NECTIN2: variants seen among roughly 807,000 people sequenced by gnomAD.
NECTIN2 encodes the protein nectin cell adhesion molecule 2.
A neutral mutation model predicts 56.9 loss-of-function variants in NECTIN2; 23 were observed. The ratio of observed to expected loss-of-function variants is 0.40; its 90% CI spans 0.29 to 0.57. The LOEUF (loss-of-function observed/expected upper bound fraction) is 0.57. Among genes scored for constraint, NECTIN2 ranks in the 20% least tolerant of loss-of-function variants. The pLI is 0.38. For missense variants in NECTIN2, 587 were observed against 718.3 expected (o/e 0.82, Z 2.09); for synonymous variants, 302 against 313.8 (o/e 0.96, Z 0.40).
chr19:44,855,404 G>T (rs1195701098), intron 1 of NECTIN2, among the ~76,000 whole-genome samples: 1 of 151,858 alleles, frequency 6.6e-6, no homozygotes, highest in African/African-American at 2.4e-5. Flanking sequence ...CAGCCTGGGC[G>T]AAAGAGTGAG....
intron 1 of NECTIN2, among the ~76,000 whole-genome samples, chr19:44,852,885 G>A (rs949915928): frequency 1.3e-5 from 2 of 152,128 alleles, no homozygotes; most frequent in African/African-American, 4.8e-5. Context: ...CAAGAGGATC[G>A]CTTTAGTTCA....
chr19:44,859,452 A>G (rs538199041), intron 1 of NECTIN2, among the ~76,000 whole-genome samples: 226 of 152,306 alleles, frequency 1.5e-3, no homozygotes, highest in African/African-American at 4.7e-3. Context: ...CCCATGAACT[A>G]TGGGCCACTC....
At chr19:44,881,764 C>G (rs1400445065) in intron 5 of NECTIN2, among the ~76,000 whole-genome samples, 5 of 152,196 alleles carry the variant, frequency 3.3e-5, no homozygotes, top group Admixed American at 3.3e-4. Context: ...CAGACACTCT[C>G]ATGACTCATC....
At chr19:44,877,232 T>G (rs1003166425) in intron 5 of NECTIN2, among the ~76,000 whole-genome samples, 1 of 151,970 alleles carries the variant, frequency 6.6e-6, no homozygotes, top group Non-Finnish European at 1.5e-5. Context: ...GGTGTAGAGG[T>G]GGGGTCAGGT....
intron 1 of NECTIN2, among the ~76,000 whole-genome samples, chr19:44,854,007 G>A (rs1255204565): frequency 1.3e-5 from 2 of 152,114 alleles, no homozygotes; most frequent in East Asian, 3.9e-4. Context: ...CAAAAGGGCG[G>A]AAGAGCAGTC....
intron 7 of NECTIN2, 40 bp from the exon 8 acceptor site, chr19:44,886,093 G>A: frequency 6.3e-7 from 1 of 1,578,842 alleles, no homozygotes; most frequent in African/African-American, 1.3e-5. Flanking sequence ...GCTGGGTGGT[G>A]GGGGCAGTTC....
intron 8 of NECTIN2, among the ~76,000 whole-genome samples, chr19:44,886,957 A>G (rs1969367946): frequency 6.6e-6 from 1 of 151,670 alleles, no homozygotes; most frequent in Non-Finnish European, 1.5e-5. Context: ...GCTTAAGCCC[A>G]GGTGGTTGGG....
At chr19:44,888,076 T>G in intron 8 of NECTIN2, 34 bp from the exon 9 acceptor site, 1 of 1,596,266 alleles carries the variant, frequency 6.3e-7, no homozygotes, top group Non-Finnish European at 8.6e-7. Context: ...GCGTAGGAAG[T>G]GATCTTGAGT....
chr19:44,886,304 T>A, intron 8 of NECTIN2, 85 bp downstream of exon 8: 1 of 1,106,402 alleles, frequency 9.0e-7, no homozygotes, highest in Non-Finnish European at 1.3e-6. Flanking sequence ...GGTCAAAGAC[T>A]AAAGGTCATA....
intron 1 of NECTIN2, among the ~76,000 whole-genome samples, chr19:44,861,950 T>C (rs1220249193): frequency 6.6e-6 from 1 of 152,144 alleles, no homozygotes; most frequent in African/African-American, 2.4e-5. Context: ...TCCTCAAAGA[T>C]CTAGAACCAG....
chr19:44,884,795 G>A (rs1200901946), intron 6 of NECTIN2, among the ~76,000 whole-genome samples: 2 of 152,112 alleles, frequency 1.3e-5, no homozygotes, highest in African/African-American at 2.4e-5. Flanking sequence ...AGAATGCATC[G>A]TAAGCACCTG....
chr19:44,863,413 G>A (rs1969056761), intron 1 of NECTIN2, among the ~76,000 whole-genome samples: 1 of 152,148 alleles, frequency 6.6e-6, no homozygotes, highest in African/African-American at 2.4e-5. Flanking sequence ...GGGAGACAGA[G>A]TGAGACCCTG....
rs2122694784 is a variant in NECTIN2 at position 44,875,948 on chromosome 19, T to A, written c.1042+1470T>A. 6.6e-6 allele frequency among the ~76,000 whole-genome samples: 1 copy of A among 152,100 alleles called. No individual in the cohort carries two copies. Among genetic ancestry groups the A allele is most frequent in the East Asian group, 1.9e-4 (1 of 5,162 alleles). On this transcript the variant is annotated intron_variant, in intron 5 of 8. Transcript: ENST00000252483. This position sits in a 1 kb window ranked among gnomAD's most constrained non-coding sequence, Gnocchi z 4.2. ...GCACATAAGTCCCCGGAGGAAGACG[T>A]CACACAGACACGCTGGGGGCAAAAC...
At chr19:44,873,087 C>T (rs1396493211) in intron 3 of NECTIN2, among the ~76,000 whole-genome samples, 7 of 151,860 alleles carry the variant, frequency 4.6e-5, no homozygotes, top group Admixed American at 3.9e-4. Context: ...CAAATACTGG[C>T]TTAACCACCT....
Position 44,874,405 on chromosome 19 carries a change from C to T in NECTIN2, c.969C>T (p.Phe323=). 6 of 1,614,162 alleles carry T rather than the reference C, an allele frequency of 3.7e-6. No homozygotes were observed. Among genetic ancestry groups the T allele is most frequent in the Non-Finnish European group, 5.1e-6 (6 of 1,180,034 alleles). The part of the protein sequence containing the change: ...QLVIHAVDSL[F]NTTFVCTVTN... Reference sequence around the variant, plus strand: ...TCATCCACGCAGTGGACAGTCTGTTCAATACCACCTTCGTCTGCACAGTCA... The same window carrying T: ...TCATCCACGCAGTGGACAGTCTGTTTAATACCACCTTCGTCTGCACAGTCA... The change falls in exon 5 of 9, where the codon TTC becomes TTT. Residue 323 remains phenylalanine, a synonymous_variant. Transcript: ENST00000252483. This position sits in a 1 kb window ranked among gnomAD's most constrained non-coding sequence, Gnocchi z 6.3.
In NECTIN2 at chr19:44,873,992, C is replaced by T. The variant is rs376864986; in HGVS notation, c.852C>T (p.Asp284=). 44 of 1,613,892 alleles carry T rather than the reference C, an allele frequency of 2.7e-5. No individual in the cohort carries two copies. The highest frequency in any genetic ancestry group is 1.6e-4 in the Middle Eastern group (1 of 6,084). ...LGRTDATLSC[D]VRSNPEPTGY... ...GTACTGATGCCACCCTGAGCTGTGACGTCCGCAGCAACCCAGAGCCCACGG... is the reference window on the plus strand; with the variant it reads ...GTACTGATGCCACCCTGAGCTGTGATGTCCGCAGCAACCCAGAGCCCACGG... Residue 284 remains aspartate (D), a synonymous_variant, in exon 4 of 9, where the codon GAC becomes GAT. Transcript: ENST00000252483.
chr19:44,876,608 G>C (rs1052533232), intron 5 of NECTIN2, among the ~76,000 whole-genome samples: 5 of 152,186 alleles, frequency 3.3e-5, no homozygotes, highest in Non-Finnish European at 4.4e-5. Context: ...GTCACTCTCA[G>C]AGGGTCTCTG....
chr19:44,852,244 G>A (rs1968907906), intron 1 of NECTIN2, among the ~76,000 whole-genome samples: 1 of 152,028 alleles, frequency 6.6e-6, no homozygotes, highest in Admixed American at 6.6e-5. Flanking sequence ...CCGCCTCCCA[G>A]GTTCAAGCAA....
At chr19:44,866,710 C>A (rs1969105345) in intron 2 of NECTIN2, among the ~76,000 whole-genome samples, 1 of 152,012 alleles carries the variant, frequency 6.6e-6, no homozygotes, top group Non-Finnish European at 1.5e-5. Context: ...TTGGCAAAAG[C>A]CTTGTGGACT....
Sources: gnomAD v4.1 joint callset for allele counts (sites outside exome capture counted in the v4.1 genomes callset) on GRCh38, gnomAD v4.1.1 for gene constraint, Gnocchi (gnomAD v3.1) non-coding constraint, MANE v1.5 for transcripts, NCBI Gene and HGNC (gene_info 2026-07-23, HGNC 2026-07-21) for gene names.